The following GALNT1 variants were observed in gnomAD, a reference collection of about 807,000 sequenced individuals.
GALNT1 encodes the protein polypeptide N-acetylgalactosaminyltransferase 1.
Under a neutral mutation model 65.7 loss-of-function variants are expected in GALNT1, and 17 were observed. That is an observed-to-expected ratio of 0.26 (90% CI 0.18 to 0.39). The LOEUF (loss-of-function observed/expected upper bound fraction) is 0.39, where lower values mean the gene tolerates loss of function less well. GALNT1 is among the 10% of genes least tolerant of loss of function. The pLI, the probability that GALNT1 is intolerant of heterozygous loss-of-function variation, is 1.00. For missense variants in GALNT1, 460 were observed against 672.8 expected, an observed-to-expected ratio of 0.68 and a Z score of 3.50; for synonymous variants, 210 against 219.7, an observed-to-expected ratio of 0.96 and a Z score of 0.39.
At chr18:35,598,468 G>A (rs550711070) in intron 1 of GALNT1, among the ~76,000 whole-genome samples, 1 of 152,188 alleles carries the variant, frequency 6.6e-6, no homozygotes, top group East Asian at 1.9e-4. Flanking sequence ...TCACATACGA[G>A]TGAGAACACG....
chr18:35,581,218 G>C (rs2046307565), upstream of GALNT1: 1 of 152,008 alleles, frequency 6.6e-6, no homozygotes, highest in Non-Finnish European at 1.5e-5. Flanking sequence ...AACAGCCCGA[G>C]TTGTCTTTAA....
intron 1 of GALNT1, among the ~76,000 whole-genome samples, chr18:35,637,213 C>T (rs1386053442): frequency 6.6e-6 from 1 of 152,088 alleles, no homozygotes; most frequent in Non-Finnish European, 1.5e-5. Context: ...TCTAAGCATT[C>T]AAGTGAAAGG....
chr18:35,676,181 G>C (rs1439640109), intron 3 of GALNT1, among the ~76,000 whole-genome samples: 1 of 152,160 alleles, frequency 6.6e-6, no homozygotes, highest in Non-Finnish European at 1.5e-5. Context: ...TGAACATAGG[G>C]AGCAAGCAGT....
chr18:35,701,068 G>A (rs11663531), intron 9 of GALNT1, among the ~76,000 whole-genome samples: 14,473 of 151,826 alleles, frequency 0.095, 767 homozygotes, highest in Admixed American at 0.17. Context: ...ATCACAATAT[G>A]AACTTTTTTT....
chr18:35,627,665 G>A (rs760679006), intron 1 of GALNT1, among the ~76,000 whole-genome samples: 6 of 152,138 alleles, frequency 3.9e-5, no homozygotes, highest in African/African-American at 7.2e-5. Flanking sequence ...GAAGACGGGT[G>A]ATTTTTGCAT....
At chr18:35,663,044 C>T (rs2144455426) in intron 2 of GALNT1, among the ~76,000 whole-genome samples, 1 of 152,126 alleles carries the variant, frequency 6.6e-6, no homozygotes, top group Admixed American at 6.5e-5. Flanking sequence ...AGTAAATAAC[C>T]ACTATAGAGA....
At position 35,710,049 on chromosome 18, in the gene GALNT1, G is replaced by A. The variant is rs1180848693; in HGVS notation, c.*279G>A. On this transcript the variant is annotated 3_prime_UTR_variant, in exon 12 of 12. Transcript: ENST00000269195. ...TCCGAAAATCATGGTAAAGAATACT[G>A]AGACAATGAAAAAAAATCAACAAAA... 3.2e-6 allele frequency: 1 copy of A among 312,456 alleles called. No homozygotes were observed. Among genetic ancestry groups the A allele is most frequent in the Non-Finnish European group, 6.0e-6 (1 of 167,660 alleles). 19.4% of individuals were successfully genotyped at this position (312,456 alleles called of 1,614,324 possible). A position where few individuals can be genotyped will look rare whatever the true frequency, so the allele number is the denominator to read the frequency against.
rs748074007 is a variant in GALNT1 at position 35,619,690 on chromosome 18, T to C, written c.-103-34870T>C. Among the ~76,000 whole-genome samples the C allele has an allele frequency of 3.7e-4, 57 of 152,300 alleles. 1 individual carries two copies. Among genetic ancestry groups the C allele is most frequent in the African/African-American group, 1.3e-3 (56 of 41,568 alleles). ...GCAGTGGCAGTACTGATGACAACAG[T>C]GTAGTAACTGTCTGCGCTCAGTAGT... is the stretch of plus-strand genomic sequence containing the variant. On this transcript the variant is annotated intron_variant, in intron 1 of 11. Coordinates refer to ENST00000269195, the MANE Select transcript of GALNT1 (RefSeq NM_020474.4).
intron 5 of GALNT1, among the ~76,000 whole-genome samples, chr18:35,685,246 A>G (rs1238230016): frequency 3.9e-5 from 6 of 152,204 alleles, no homozygotes. Flanking sequence ...GTATGCGTGT[A>G]AAAAACATAT....
intron 6 of GALNT1, among the ~76,000 whole-genome samples, chr18:35,688,797 A>T (rs542496897): frequency 1.7e-4 from 26 of 152,254 alleles, no homozygotes; most frequent in African/African-American, 6.3e-4. Flanking sequence ...GGATCTGTGG[A>T]GTGGGTGCAC....
At position 35,683,611 on chromosome 18, in the gene GALNT1, T is replaced by A. The variant is rs781689471; in HGVS notation, c.689+13T>A. Reference sequence around the variant, plus strand: ...TCAAACATGACAGGTAATTTTCTGGTGTCTGTAAGTTTGCTTTTAGTACAT... The same window carrying A: ...TCAAACATGACAGGTAATTTTCTGGAGTCTGTAAGTTTGCTTTTAGTACAT... On this transcript the variant is annotated intron_variant, in intron 5 of 11. Coordinates refer to ENST00000269195, the MANE Select transcript of GALNT1 (RefSeq NM_020474.4). 1.2e-5 allele frequency: 19 copies of A among 1,611,084 alleles called. 2 individuals carry two copies. The South Asian group carries it at 1.8e-4, about 15-fold the overall frequency.
At chr18:35,582,667 A>AT (rs1318789843) in intron 1 of GALNT1, among the ~76,000 whole-genome samples, 1 of 152,226 alleles carries the variant, frequency 6.6e-6, no homozygotes, top group Admixed American at 6.5e-5. Flanking sequence ...CACTTTGATC[A>AT]TATCTTATGT....
intron 1 of GALNT1, among the ~76,000 whole-genome samples, chr18:35,614,861 TAAA>T (rs916670767): frequency 6.6e-6 from 1 of 151,318 alleles, no homozygotes; most frequent in African/African-American, 2.4e-5. Flanking sequence ...TTCTCAATAG[TAAA>T]AAAAATAAAA....
chr18:35,670,412 T>C (rs1174211555), intron 3 of GALNT1, among the ~76,000 whole-genome samples: 3 of 152,222 alleles, frequency 2.0e-5, no homozygotes, highest in African/African-American at 7.2e-5. Context: ...TAAAACAATT[T>C]TAAATATTAC....
intron 1 of GALNT1, among the ~76,000 whole-genome samples, chr18:35,643,182 A>G (rs1396488866): frequency 1.3e-5 from 2 of 152,110 alleles, no homozygotes; most frequent in African/African-American, 2.4e-5. Flanking sequence ...TATTAATTGT[A>G]AAGCAATATG....
chr18:35,677,777 G>A lies in GALNT1; in HGVS notation c.481+20G>A. On this transcript the variant is annotated intron_variant, in intron 4 of 11. Transcript: ENST00000269195. ...AAAGAGGTAAATTTTAAATTTTAAT[G>A]CCAATAATTTGCTACACCTTTTGTC... 6.4e-7 allele frequency: 1 copy of A among 1,567,454 alleles called. No individual in the cohort carries two copies. Among genetic ancestry groups the A allele is most frequent in the Non-Finnish European group, 8.7e-7 (1 of 1,148,310 alleles).
In GALNT1 at chr18:35,627,318, C is replaced by T. The variant is rs1895618; in HGVS notation, c.-103-27242C>T. 3.9e-5 allele frequency: 6 copies of T among 152,366 alleles called. No individual in the cohort carries two copies. In the East Asian group the frequency reaches 1.2e-3, roughly 29 times the overall value. 9.4% of individuals were successfully genotyped at this position (152,366 alleles called of 1,614,324 possible). ...GGAAGAAGCTGAATAAGGCATGATC[C>T]TGGCACTCAGGTGGTAGCTGCCTAC... On this transcript the variant is annotated intron_variant, in intron 1 of 11. Transcript: ENST00000269195.
intron 1 of GALNT1, 133 bp downstream of exon 1, chr18:35,581,995 G>C (rs1192875670): frequency 6.6e-6 from 1 of 151,908 alleles, no homozygotes; most frequent in Admixed American, 6.6e-5. Flanking sequence ...GCCGGGGCGC[G>C]GGCACGCTCG....
chr18:35,647,617 T>G (rs10502652), intron 1 of GALNT1, among the ~76,000 whole-genome samples: 15,465 of 152,156 alleles, frequency 0.1, 1,007 homozygotes, highest in African/African-American at 0.19. Context: ...TTGTCGAAGG[T>G]TCTCATATGT....
Sources: gnomAD v4.1 joint callset for allele counts (sites outside exome capture counted in the v4.1 genomes callset) on GRCh38, gnomAD v4.1.1 for gene constraint, MANE v1.5 for transcripts, NCBI Gene and HGNC (gene_info 2026-07-23, HGNC 2026-07-21) for gene names.